The following DPP8 variants were observed in gnomAD, a reference collection of about 807,000 sequenced individuals.
DPP8 encodes dipeptidyl peptidase 8.
Under a neutral mutation model 107.5 loss-of-function variants are expected in DPP8, and 31 were observed. That is an observed-to-expected ratio of 0.29 (90% CI 0.22 to 0.39). The LOEUF is 0.39. DPP8 is among the 10% of genes least tolerant of loss of function. The pLI, the probability that DPP8 is intolerant of heterozygous loss-of-function variation, is 1.00. For missense variants in DPP8, 842 were observed against 1,076.1 expected (o/e 0.78, Z 3.04); for synonymous variants, 381 against 356.6 (o/e 1.07, Z -0.77).
intron 14 of DPP8, among the ~76,000 whole-genome samples, chr15:65,466,441 A>G (rs2065358091): frequency 6.6e-6 from 1 of 152,032 alleles, no homozygotes; most frequent in Admixed American, 6.6e-5. Context: ...CCTGGCCTTA[A>G]CCTTATTTTC....
In DPP8 at chr15:65,473,416, A is replaced by C. The variant is rs1196577888; in HGVS notation, c.1536+793T>G. ...AAACATGACATGAAAGAAAACTGAT[A>C]AATGTAGGGGCAAGTAGTAGATAGT... On this transcript the variant is annotated intron_variant, in intron 12 of 19. Transcript: ENST00000300141. Among the ~76,000 whole-genome samples the C allele has an allele frequency of 3.3e-5, 5 of 152,130 alleles. No homozygotes were observed. The East Asian group carries it at 9.6e-4, about 29-fold the overall frequency.
At chr15:65,462,542 T>A (rs2065012423) in intron 15 of DPP8, among the ~76,000 whole-genome samples, 4 of 152,080 alleles carry the variant, frequency 2.6e-5, no homozygotes, top group African/African-American at 4.8e-5. Flanking sequence ...TAATCAAGAA[T>A]AAACAATTTT....
chr15:65,495,602 C>G (rs2068502752), intron 5 of DPP8, among the ~76,000 whole-genome samples: 1 of 151,572 alleles, frequency 6.6e-6, no homozygotes, highest in Non-Finnish European at 1.5e-5. Context: ...GACTTTGTTA[C>G]AAAAAACAAA....
chr15:65,515,436 T>G (rs2071332204), intron 1 of DPP8, among the ~76,000 whole-genome samples: 1 of 152,210 alleles, frequency 6.6e-6, no homozygotes, highest in South Asian at 2.1e-4. Context: ...CCATCCTGCA[T>G]TTCTAAAATA....
chr15:65,485,566 A>G (rs28507454), intron 7 of DPP8, among the ~76,000 whole-genome samples: 1 of 148,600 alleles, frequency 6.7e-6, no homozygotes, highest in African/African-American at 2.5e-5. Flanking sequence ...AAAAAAAAAG[A>G]AAAGAAAGAA....
At chr15:65,503,889 T>C (rs1460359113) in intron 3 of DPP8, among the ~76,000 whole-genome samples, 1 of 152,060 alleles carries the variant, frequency 6.6e-6, no homozygotes, top group Non-Finnish European at 1.5e-5. Context: ...CCTCCCAAAG[T>C]GCTGAGATTA....
intron 12 of DPP8, among the ~76,000 whole-genome samples, chr15:65,467,978 T>C (rs1023492121): frequency 6.6e-6 from 1 of 152,178 alleles, no homozygotes; most frequent in Non-Finnish European, 1.5e-5. Flanking sequence ...GTGTTTTATC[T>C]ATTGGGTTGT....
At chr15:65,500,925 TG>T in intron 3 of DPP8, 146 bp from the exon 4 acceptor site, 1 of 588,756 alleles carries the variant, frequency 1.7e-6, no homozygotes, top group Non-Finnish European at 2.9e-6. Context: ...TCACCCAGGC[TG>T]GAGTGCAGTG....
At chr15:65,454,692 A>G (rs941263290) in intron 16 of DPP8, among the ~76,000 whole-genome samples, 2 of 151,938 alleles carry the variant, frequency 1.3e-5, no homozygotes, top group Non-Finnish European at 2.9e-5. Context: ...ATGCCCAGCT[A>G]ATTTTTGTAT....
rs1382029281 is a variant in DPP8, at chr15:65,446,976, C to G, written c.2557G>C (p.Val853Leu). Residue 853 changes from valine (V) to leucine (L), a missense_variant, in exon 20 of 20, where the codon GTT becomes CTT. Coordinates refer to ENST00000300141, the MANE Select transcript of DPP8 (RefSeq NM_130434.5). ...IYPQERHSIR[V>L]PESGEHYELH... ...TCATAATGTTCTCCCGATTCAGGAA[C>G]TCTTATGCTGTGTCTCTCCTGAGGA... 1.9e-6 allele frequency: 3 copies of G among 1,611,096 alleles called. No homozygotes were observed. The highest frequency in any genetic ancestry group is 2.5e-6 in the Non-Finnish European group (3 of 1,178,382).
intron 6 of DPP8, among the ~76,000 whole-genome samples, chr15:65,488,138 TATA>T (rs1446385193): frequency 2.0e-5 from 3 of 152,354 alleles, no homozygotes; most frequent in Admixed American, 6.5e-5. Context: ...TAATTACATG[TATA>T]ATATTTCCTA....
chr15:65,472,765 C>A (rs1017128992), intron 12 of DPP8, among the ~76,000 whole-genome samples: 4 of 152,118 alleles, frequency 2.6e-5, no homozygotes, highest in Non-Finnish European at 4.4e-5. Context: ...CTTGGCCAGG[C>A]GTGGTGGTTC....
chr15:65,480,215 T>C lies in DPP8; in HGVS notation c.1296+7A>G, dbSNP rs757437554. On this transcript the variant is annotated splice_region_variant and intron_variant, in intron 10 of 19. Coordinates refer to ENST00000300141, the MANE Select transcript of DPP8 (RefSeq NM_130434.5). ...ATATTTAAACAAATACAGGAAAAAA[T>C]GCATACATTTATCCAGATGTCTGTT... 8.7e-6 allele frequency: 14 copies of C among 1,600,110 alleles called. No homozygotes were observed. The Admixed American group carries it at 2.4e-4, about 28-fold the overall frequency.
intron 5 of DPP8, among the ~76,000 whole-genome samples, chr15:65,494,198 G>C: frequency 8.0e-6 from 1 of 125,068 alleles, no homozygotes. Context: ...CTGCCACCAA[G>C]GCGGGAGTGC....
At chr15:65,490,322 A>G (rs767185758) in intron 5 of DPP8, 23 bp from the exon 6 acceptor site, 1 of 1,400,348 alleles carries the variant, frequency 7.1e-7, no homozygotes. Context: ...AAAAGGCAAA[A>G]TTATCACAGA....
intron 12 of DPP8, among the ~76,000 whole-genome samples, chr15:65,470,621 A>AG (rs1326182671): frequency 2.0e-5 from 3 of 151,352 alleles, no homozygotes; most frequent in Non-Finnish European, 2.9e-5. Flanking sequence ...AAAAAAAAAA[A>AG]AAGAATAGAG....
chr15:65,455,909 A>G, intron 16 of DPP8: 1 of 1,173,048 alleles, frequency 8.5e-7, no homozygotes, highest in Non-Finnish European at 1.1e-6. Context: ...CACAGAGGAC[A>G]GAACAAATCT....
At chr15:65,491,658 T>C (rs2068044333) in intron 5 of DPP8, among the ~76,000 whole-genome samples, 2 of 152,250 alleles carry the variant, frequency 1.3e-5, no homozygotes, top group Admixed American at 6.5e-5. Flanking sequence ...TTGTATTCCA[T>C]TGCATACCAT....
intron 11 of DPP8, chr15:65,475,170 A>C (rs370791482): frequency 1.1e-4 from 42 of 376,962 alleles, no homozygotes; most frequent in African/African-American, 8.1e-4. Context: ...GGGGTAAAGG[A>C]GGAAGTCCAG....
Sources: gnomAD v4.1 joint callset for allele counts (sites outside exome capture counted in the v4.1 genomes callset) on GRCh38, gnomAD v4.1.1 for gene constraint, MANE v1.5 for transcripts, NCBI Gene and HGNC (gene_info 2026-07-23, HGNC 2026-07-21) for gene names.